The following CNNM2 variants were observed in gnomAD, a reference collection of about 807,000 sequenced individuals.
CNNM2 encodes cyclin and CBS domain divalent metal cation transport mediator 2.
In CNNM2, 12 loss-of-function variants were observed where a neutral mutation model predicts 66.9. The ratio of observed to expected loss-of-function variants is 0.18; its 90% CI spans 0.11 to 0.29. CNNM2 has a LOEUF of 0.29. Among genes scored for constraint, CNNM2 ranks in the 10% least tolerant of loss-of-function variants. The pLI is 1.00. For synonymous variants in CNNM2, 557 were observed against 501.8 expected (o/e 1.11, Z -1.47); for missense variants, 705 against 1,167.7 (o/e 0.60, Z 5.77).
At chr10:103,066,556 C>T (rs2065480815) in intron 4 of CNNM2, among the ~76,000 whole-genome samples, 2 of 152,182 alleles carry the variant, frequency 1.3e-5, no homozygotes, top group African/African-American at 2.4e-5. Flanking sequence ...CAGATGTGCC[C>T]TCACTCCTCC....
intron 1 of CNNM2, among the ~76,000 whole-genome samples, chr10:103,047,311 C>G (rs562345690): frequency 6.6e-6 from 1 of 152,296 alleles, no homozygotes; most frequent in Admixed American, 6.5e-5. Flanking sequence ...GGGGGACATT[C>G]TGCAGGAGGC....
chr10:102,919,100 C>T lies in CNNM2; in HGVS notation c.620C>T (p.Ser207Phe). The change falls in exon 1 of 8, where the codon TCC becomes TTC. Residue 207 changes from serine (S) to phenylalanine (F), a missense_variant. Physicochemically the swap from Ser to Phe is radical, Grantham distance 155 (BLOSUM62 -2). Around this residue, in one of 9 missense-constraint regions of CNNM2, gnomAD observed 100 missense variants for 151.9 expected, o/e 0.66. Coordinates refer to ENST00000369878, the MANE Select transcript of CNNM2 (RefSeq NM_017649.5). Reference sequence around the variant, plus strand: ...GCCCTGGGCGCCGGCGGCTCGGGGTCCACGGGTGGCGCCGTCGGGGGCAAG... The same window carrying T: ...GCCCTGGGCGCCGGCGGCTCGGGGTTCACGGGTGGCGCCGTCGGGGGCAAG... Reference protein sequence around the residue: ...TPALGAGGSGSTGGAVGGKGG... With the variant: ...TPALGAGGSGFTGGAVGGKGG... 1 of 1,611,232 alleles carries T rather than the reference C, an allele frequency of 6.2e-7. No homozygotes were observed. Among genetic ancestry groups the T allele is most frequent in the Non-Finnish European group, 8.5e-7 (1 of 1,179,130 alleles).
intron 4 of CNNM2, among the ~76,000 whole-genome samples, chr10:103,058,087 A>G (rs2065324731): frequency 6.6e-6 from 1 of 152,228 alleles, no homozygotes; most frequent in Non-Finnish European, 1.5e-5. Context: ...GTTTGGAAGC[A>G]GGAGTGAGGA....
intron 1 of CNNM2, among the ~76,000 whole-genome samples, chr10:103,005,373 G>A (rs1184649313): frequency 6.6e-6 from 1 of 152,072 alleles, no homozygotes; most frequent in Non-Finnish European, 1.5e-5. Context: ...AGTTGGCCAG[G>A]TGCGGTGTCT....
chr10:103,083,578 G>A lies in CNNM2; in HGVS notation c.*6398G>A, dbSNP rs1159403721. 2 of 152,186 alleles carry A rather than the reference G, an allele frequency of 1.3e-5. No homozygotes were observed. The highest frequency in any genetic ancestry group is 4.8e-5 in the African/African-American group (2 of 41,446). 9.4% of individuals were successfully genotyped at this position (152,186 alleles called of 1,614,324 possible). A position where few individuals can be genotyped will look rare whatever the true frequency, so the allele number is the denominator to read the frequency against. On this transcript the variant is annotated 3_prime_UTR_variant, in exon 8 of 8. Transcript: ENST00000369878. ...GACAGTGTAAAGTCTTAAGAGAAGT[G>A]GGTACTAGTTCTGTGCCTCCAAGTC... is the stretch of plus-strand genomic sequence containing the variant.
chr10:103,011,940 C>T (rs2064351119), intron 1 of CNNM2, among the ~76,000 whole-genome samples: 1 of 152,074 alleles, frequency 6.6e-6, no homozygotes, highest in South Asian at 2.1e-4. Flanking sequence ...ATCTGCCCAC[C>T]TCGGCCTCCC....
rs33992570 is a variant in CNNM2, at chr10:102,958,459, G to GTT, written c.1621+38387_1621+38388dup. On this transcript the variant is annotated intron_variant, in intron 1 of 7. Coordinates refer to ENST00000369878, the MANE Select transcript of CNNM2 (RefSeq NM_017649.5). ...GACTTGTTCTGAATTCAAGCAACTT[G>GTT]TTTTTTTTTTTTTTTTTTTTTTTTT... 4.6e-4 allele frequency among the ~76,000 whole-genome samples: 24 copies of GTT among 51,738 alleles called. 4 individuals carry two copies. The highest frequency in any genetic ancestry group is 5.6e-4 in the Non-Finnish European group (16 of 28,410). 33.9% of individuals were successfully genotyped at this position (51,738 alleles called of 152,430 possible).
intron 4 of CNNM2, among the ~76,000 whole-genome samples, chr10:103,060,993 G>A (rs959942236): frequency 6.6e-6 from 1 of 152,182 alleles, no homozygotes; most frequent in African/African-American, 2.4e-5. Context: ...GAGGTGGTCT[G>A]TCAGTTTTAA....
At chr10:103,028,954 C>T (rs1304825335) in intron 1 of CNNM2, among the ~76,000 whole-genome samples, 1 of 150,250 alleles carries the variant, frequency 6.7e-6, no homozygotes, top group Non-Finnish European at 1.5e-5. Context: ...TCCCAAGTAG[C>T]TGGCATTATA....
intron 1 of CNNM2, among the ~76,000 whole-genome samples, chr10:102,955,011 A>C (rs908956719): frequency 5.3e-5 from 8 of 152,236 alleles, no homozygotes; most frequent in African/African-American, 1.9e-4. Flanking sequence ...CTTTCTTCAC[A>C]GAATTGAAAA....
At chr10:103,023,025 C>T (rs746128449) in intron 1 of CNNM2, among the ~76,000 whole-genome samples, 11 of 152,096 alleles carry the variant, frequency 7.2e-5, no homozygotes, top group Non-Finnish European at 1.0e-4. Context: ...ACCTCAGCCT[C>T]TCAAGTAGCT....
chr10:102,935,774 CTTTTT>C (rs34196326), intron 1 of CNNM2, among the ~76,000 whole-genome samples: 21 of 77,990 alleles, frequency 2.7e-4, no homozygotes, highest in Non-Finnish European at 4.7e-4. Flanking sequence ...CTGCACCTGG[CTTTTT>C]TTTTTTTTTT....
intron 4 of CNNM2, among the ~76,000 whole-genome samples, chr10:103,057,448 A>G (rs1325371953): frequency 6.6e-6 from 1 of 152,000 alleles, no homozygotes; most frequent in Non-Finnish European, 1.5e-5. Flanking sequence ...CCTGGATGAC[A>G]GAGCAAAACC....
chr10:103,032,924 C>T (rs1166270311), intron 1 of CNNM2, among the ~76,000 whole-genome samples: 1 of 151,358 alleles, frequency 6.6e-6, no homozygotes, highest in Non-Finnish European at 1.5e-5. Flanking sequence ...TTGAGACCAG[C>T]CTGGGCAACA....
chr10:103,028,808 CT>C (rs2064758740), intron 1 of CNNM2, among the ~76,000 whole-genome samples: 1 of 135,074 alleles, frequency 7.4e-6, no homozygotes, highest in Non-Finnish European at 1.5e-5. Flanking sequence ...TTTTCTTTTT[CT>C]TTTTCTTTTT....
chr10:103,010,030 A>G (rs2064310469), intron 1 of CNNM2, among the ~76,000 whole-genome samples: 1 of 152,186 alleles, frequency 6.6e-6, no homozygotes, highest in East Asian at 1.9e-4. Context: ...ATCATGTCAA[A>G]TAATGGTAGA....
chr10:102,954,308 T>G (rs565617168), intron 1 of CNNM2, among the ~76,000 whole-genome samples: 3 of 152,006 alleles, frequency 2.0e-5, no homozygotes, highest in Admixed American at 2.0e-4. Flanking sequence ...TTTGTATTTT[T>G]GGGGTCTCAC....
intron 1 of CNNM2, among the ~76,000 whole-genome samples, chr10:102,999,537 A>G (rs1254661853): frequency 6.6e-6 from 1 of 152,134 alleles, no homozygotes; most frequent in African/African-American, 2.4e-5. Flanking sequence ...CTCAAATGGA[A>G]AGCTGTGTTT....
At chr10:102,929,967 A>G (rs2134165135) in intron 1 of CNNM2, among the ~76,000 whole-genome samples, 1 of 152,346 alleles carries the variant, frequency 6.6e-6, no homozygotes, top group Admixed American at 6.5e-5. Flanking sequence ...TAAATTTATA[A>G]TGATTTTGGA....
Sources: gnomAD v4.1 joint callset for allele counts (sites outside exome capture counted in the v4.1 genomes callset) on GRCh38, gnomAD v4.1.1 for gene constraint, gnomAD v4.1.1 regional missense constraint, MANE v1.5 for transcripts, NCBI Gene and HGNC (gene_info 2026-07-23, HGNC 2026-07-21) for gene names.